Variants in TBC1D12 observed in about 807,000 individuals in gnomAD.
The protein encoded by TBC1D12 is TBC1 domain family member 12.
TBC1D12 carries 56 observed loss-of-function variants against 86.7 expected under a neutral mutation model. The ratio of observed to expected loss-of-function variants is 0.65; its 90% CI spans 0.52 to 0.81. The LOEUF is 0.81. Ranked by LOEUF, TBC1D12 falls within the 30% of genes least tolerant of loss-of-function variation. TBC1D12 has a pLI of 0.00. For synonymous variants in TBC1D12, 421 were observed against 411.7 expected (o/e 1.02, Z -0.27); for missense variants, 1,023 against 1,038.8 (o/e 0.98, Z 0.21).
chr10:94,482,171 A>G (rs781374385), intron 3 of TBC1D12, among the ~76,000 whole-genome samples: 11 of 152,040 alleles, frequency 7.2e-5, no homozygotes, highest in Non-Finnish European at 1.5e-4. Flanking sequence ...CTCCACCCTT[A>G]AAGTAGACCC....
intron 3 of TBC1D12, among the ~76,000 whole-genome samples, chr10:94,479,621 C>T (rs929142121): frequency 6.6e-6 from 1 of 152,016 alleles, no homozygotes; most frequent in African/African-American, 2.4e-5. Context: ...TGGACAGAAT[C>T]GATTTGCAAG....
In TBC1D12 at chr10:94,493,348, G is replaced by A; in HGVS notation, c.1212-17G>A. On this transcript the variant is annotated splice_polypyrimidine_tract_variant and intron_variant, in intron 3 of 12. Coordinates refer to ENST00000225235, the MANE Select transcript of TBC1D12 (RefSeq NM_015188.2). ...TCTTTTAAAAATTGTCTTGACTTAA[G>A]TAATTTTTTTTTCCAGAAATCTTCC... 1.3e-6 allele frequency: 2 copies of A among 1,592,646 alleles called. No homozygotes were observed. The highest frequency in any genetic ancestry group is 2.2e-5 in the East Asian group (1 of 44,754).
At chr10:94,532,251 C>G (rs1842453203) in intron 12 of TBC1D12, among the ~76,000 whole-genome samples, 1 of 152,136 alleles carries the variant, frequency 6.6e-6, no homozygotes, top group Admixed American at 6.5e-5. Flanking sequence ...GATCTTGGCT[C>G]ACTACAACCA....
intron 5 of TBC1D12, among the ~76,000 whole-genome samples, chr10:94,497,543 G>A (rs192709769): frequency 0.021 from 2,845 of 138,758 alleles, 102 homozygotes; most frequent in African/African-American, 0.071. Flanking sequence ...TTTTTGAGAC[G>A]GAGTCTCGCT....
intron 1 of TBC1D12, among the ~76,000 whole-genome samples, chr10:94,434,292 G>A (rs529271833): frequency 3.2e-4 from 48 of 152,140 alleles, no homozygotes; most frequent in Admixed American, 2.2e-3. Flanking sequence ...GATCACTTGA[G>A]GTCAGGAGTT....
At chr10:94,489,924 A>G (rs75268553) in intron 3 of TBC1D12, among the ~76,000 whole-genome samples, 32 of 152,292 alleles carry the variant, frequency 2.1e-4, no homozygotes, top group African/African-American at 7.5e-4. Context: ...TCACCATAAC[A>G]GATACAATGA....
rs749936455 is a variant in TBC1D12 at position 94,493,352 on chromosome 10, T to A, written c.1212-13T>A. 5.1e-6 allele frequency: 8 copies of A among 1,568,450 alleles called. No homozygotes were observed. Among genetic ancestry groups the A allele is most frequent in the Non-Finnish European group, 7.0e-6 (8 of 1,149,420 alleles). On this transcript the variant is annotated splice_polypyrimidine_tract_variant and intron_variant, in intron 3 of 12. Transcript: ENST00000225235. Reference sequence around the variant, plus strand: ...TTAAAAATTGTCTTGACTTAAGTAATTTTTTTTTCCAGAAATCTTCCTGCC... The same window carrying A: ...TTAAAAATTGTCTTGACTTAAGTAAATTTTTTTTCCAGAAATCTTCCTGCC...
intron 5 of TBC1D12, among the ~76,000 whole-genome samples, chr10:94,497,945 C>A (rs950822552): frequency 6.6e-6 from 1 of 151,886 alleles, no homozygotes; most frequent in East Asian, 1.9e-4. Flanking sequence ...ACCTCAGCCT[C>A]CCGAGTAGCT....
chr10:94,410,040 T>G (rs1327952457), intron 1 of TBC1D12, among the ~76,000 whole-genome samples: 1 of 152,224 alleles, frequency 6.6e-6, no homozygotes. Flanking sequence ...GTGTTACTTT[T>G]AAGTGAAAGT....
chr10:94,459,244 A>G (rs936074809), intron 2 of TBC1D12, among the ~76,000 whole-genome samples: 2 of 151,882 alleles, frequency 1.3e-5, no homozygotes, highest in Non-Finnish European at 2.9e-5. Flanking sequence ...CCAAGTCCCC[A>G]CTAGATTAAC....
Position 94,510,158 on chromosome 10 carries a change from ATC to A in TBC1D12, c.1674_1675del (p.Tyr559HisfsTer10). Reference sequence around the variant, plus strand: ...AGTTGGACATATCCCGTACATTTCCATCTCTCTACATCTTTCAGAAGGTGAGG... The same window carrying A: ...AGTTGGACATATCCCGTACATTTCCATCTCTACATCTTTCAGAAGGTGAGG... ...IKLDISRTFP[S>X]LYIFQKGGPY... On this transcript the variant is annotated frameshift_variant, in exon 8 of 13. Coordinates refer to ENST00000225235, the MANE Select transcript of TBC1D12 (RefSeq NM_015188.2). LOFTEE classifies it high-confidence loss of function. The A allele has an allele frequency of 1.3e-6, 2 of 1,594,264 alleles. No individual in the cohort carries two copies. Among genetic ancestry groups the A allele is most frequent in the Non-Finnish European group, 1.7e-6 (2 of 1,174,988 alleles).
rs1358064951 is a variant in TBC1D12, at chr10:94,403,059, T to C, written c.446T>C (p.Leu149Pro). The change falls in exon 1 of 13, where the codon CTG becomes CCG. Residue 149 changes from leucine to proline, a missense_variant. Leu to Pro is a moderately conservative substitution (Grantham distance 98). This residue lies in a region of TBC1D12 where 628 missense variants were observed against 531.1 expected (regional missense o/e 1.18). Transcript: ENST00000225235. ...GFLPGRDCRD[L>P]EEARGLARAG... The stretch of plus-strand genomic sequence containing the variant: ...CTGCCGGGCCGGGACTGTCGCGATC[T>C]GGAAGAGGCTCGCGGGCTGGCGCGC... 1.0e-5 allele frequency: 16 copies of C among 1,534,282 alleles called. No individual in the cohort carries two copies. The highest frequency in any genetic ancestry group is 1.3e-5 in the Non-Finnish European group (15 of 1,145,758).
intron 2 of TBC1D12, among the ~76,000 whole-genome samples, chr10:94,470,730 G>A (rs1402062115): frequency 1.4e-5 from 2 of 145,904 alleles, no homozygotes; most frequent in Non-Finnish European, 3.0e-5. Context: ...TTTAATCCAG[G>A]AGTGCTGCTA....
intron 1 of TBC1D12, among the ~76,000 whole-genome samples, chr10:94,422,179 C>T (rs903393159): frequency 7.0e-6 from 1 of 142,430 alleles, no homozygotes; most frequent in Non-Finnish European, 1.5e-5. Context: ...TCTTAGGGTT[C>T]ATGTAGTTTT....
chr10:94,525,949 G>C (rs2134230864), intron 11 of TBC1D12, among the ~76,000 whole-genome samples: 1 of 152,154 alleles, frequency 6.6e-6, no homozygotes, highest in East Asian at 1.9e-4. Context: ...CTTTGTGTTA[G>C]GAACATTCAG....
In TBC1D12 at chr10:94,534,194, G is replaced by GA. The variant is rs1214926350; in HGVS notation, c.*1099dup. 1 of 152,188 alleles carries GA rather than the reference G, an allele frequency of 6.6e-6. No homozygotes were observed. Among genetic ancestry groups the GA allele is most frequent in the African/African-American group, 2.4e-5 (1 of 41,446 alleles). The allele number at this position is 152,188 out of a possible 1,614,324, so 9.4% of individuals were successfully genotyped here. On this transcript the variant is annotated 3_prime_UTR_variant, in exon 13 of 13. Coordinates refer to ENST00000225235, the MANE Select transcript of TBC1D12 (RefSeq NM_015188.2). ...GTTGCCTGAAGAAGCTGGGTAAGGA[G>GA]ATTAGTCTTGTTATTGATTCTTTTA... is the stretch of plus-strand genomic sequence containing the variant.
chr10:94,463,746 T>C (rs1225911823), intron 2 of TBC1D12, among the ~76,000 whole-genome samples: 1 of 152,264 alleles, frequency 6.6e-6, no homozygotes. Context: ...TTGTGTACTT[T>C]AGAGCAGTGT....
intron 2 of TBC1D12, among the ~76,000 whole-genome samples, chr10:94,457,197 C>T (rs571174736): frequency 6.3e-4 from 96 of 152,284 alleles, no homozygotes; most frequent in African/African-American, 2.2e-3. Context: ...ATCAACCTGT[C>T]ATTTATGTTT....
intron 2 of TBC1D12, among the ~76,000 whole-genome samples, chr10:94,446,247 G>A (rs921032460): frequency 3.3e-5 from 5 of 152,186 alleles, no homozygotes; most frequent in African/African-American, 4.8e-5. Context: ...TATGCTTTCA[G>A]ATAGATGTTA....
Sources: gnomAD v4.1 joint callset for allele counts (sites outside exome capture counted in the v4.1 genomes callset) on GRCh38, gnomAD v4.1.1 for gene constraint, gnomAD v4.1.1 regional missense constraint, MANE v1.5 for transcripts, NCBI Gene and HGNC (gene_info 2026-07-23, HGNC 2026-07-21) for gene names.